Variants in INTS15 observed in about 807,000 individuals in gnomAD.
INTS15 encodes the protein integrator complex subunit 15.
the INTS15 span, among the ~76,000 whole-genome samples, chr7:6,596,334 G>A: frequency 7.4e-5 from 11 of 149,364 alleles, no homozygotes; most frequent in Admixed American, 4.7e-4. Flanking sequence ...GATTACAGGC[G>A]TGAGCCACTG....
chr7:6,607,656 A>G, the INTS15 span: 2 of 1,495,698 alleles, frequency 1.3e-6, no homozygotes, highest in South Asian at 2.4e-5. This position sits in a 1 kb window ranked among gnomAD's most constrained non-coding sequence, Gnocchi z 6.0. Flanking sequence ...TGTGTGTCCC[A>G]GCGCAGCAGA....
chr7:6,590,363 A>T, the INTS15 span: 10 of 1,606,982 alleles, frequency 6.2e-6, no homozygotes, highest in Non-Finnish European at 3.4e-6. Context: ...CTGGACATCT[A>T]CTTCAGCAGC....
At chr7:6,598,758 T>C in the INTS15 span, among the ~76,000 whole-genome samples, 13 of 105,602 alleles carry the variant, frequency 1.2e-4, no homozygotes, top group African/African-American at 6.7e-4. Flanking sequence ...TGTGTGTGTG[T>C]GTGTGTGTGT....
chr7:6,597,000 G>T, the INTS15 span, among the ~76,000 whole-genome samples: 1 of 151,820 alleles, frequency 6.6e-6, no homozygotes, highest in Admixed American at 6.6e-5. Flanking sequence ...GGATGGTCTC[G>T]ATCACCTGAC....
the INTS15 span, chr7:6,590,086 C>T: frequency 5.7e-6 from 2 of 352,676 alleles, no homozygotes; most frequent in Non-Finnish European, 9.7e-6. Flanking sequence ...GCAGTCGGAC[C>T]TTCGGGCGCC....
the INTS15 span, chr7:6,599,900 C>G: frequency 1.2e-6 from 2 of 1,614,206 alleles, no homozygotes; most frequent in South Asian, 1.1e-5. Flanking sequence ...AAGGTTGATT[C>G]TCATCACTTT....
chr7:6,607,768 C>G, the INTS15 span: 2 of 1,484,432 alleles, frequency 1.3e-6, no homozygotes, highest in Non-Finnish European at 1.8e-6. The surrounding 1 kb of genome is among the most constrained non-coding windows in gnomAD (Gnocchi z 6.0). Flanking sequence ...GAGCCCACTC[C>G]CACGCATCCT....
At chr7:6,590,569 C>A in the INTS15 span, 2 of 1,399,860 alleles carry the variant, frequency 1.4e-6, no homozygotes, top group Middle Eastern at 5.2e-4. Flanking sequence ...CGCGGGCGCC[C>A]CATGTCCAGG....
chr7:6,597,036 C>A, the INTS15 span, among the ~76,000 whole-genome samples: 1 of 152,132 alleles, frequency 6.6e-6, no homozygotes, highest in Non-Finnish European at 1.5e-5. Flanking sequence ...CCTCGGCCTC[C>A]CAAAAATGCT....
chr7:6,605,641 C>G, the INTS15 span, among the ~76,000 whole-genome samples: 1 of 152,100 alleles, frequency 6.6e-6, no homozygotes, highest in African/African-American at 2.4e-5. Context: ...CCTCCCGGGG[C>G]AGGCCTGGCA....
chr7:6,593,728 A>C, the INTS15 span, among the ~76,000 whole-genome samples: 2 of 145,998 alleles, frequency 1.4e-5, no homozygotes, highest in South Asian at 4.3e-4. Context: ...GGCTCACTGC[A>C]GACTCAACCT....
the INTS15 span, among the ~76,000 whole-genome samples, chr7:6,595,091 G>T: frequency 6.6e-6 from 1 of 152,112 alleles, no homozygotes; most frequent in Non-Finnish European, 1.5e-5. Context: ...GAGTGCAGAG[G>T]CGTGATCCCA....
At chr7:6,598,076 G>A in the INTS15 span, among the ~76,000 whole-genome samples, 52 of 152,320 alleles carry the variant, frequency 3.4e-4, no homozygotes, top group African/African-American at 1.2e-3. Flanking sequence ...CTACAGGCTG[G>A]TAGAGATGCG....
At chr7:6,591,692 A>G in the INTS15 span, 56 of 1,614,048 alleles carry the variant, frequency 3.5e-5, no homozygotes, top group East Asian at 2.5e-4. Context: ...ATCATGTGCA[A>G]TTATTTCCAG....
At chr7:6,606,815 C>T in the INTS15 span, among the ~76,000 whole-genome samples, 1 of 151,818 alleles carries the variant, frequency 6.6e-6, no homozygotes, top group African/African-American at 2.4e-5. Flanking sequence ...AAGCAATCCT[C>T]CTGCCCCAGC....
the INTS15 span, chr7:6,608,544 A>G: frequency 9.1e-7 from 1 of 1,102,866 alleles, no homozygotes. Flanking sequence ...CCGCCAGAAA[A>G]AGTGGGCTCC....
the INTS15 span, chr7:6,602,072 T>C: frequency 1.2e-6 from 2 of 1,606,400 alleles, no homozygotes; most frequent in Non-Finnish European, 1.7e-6. Context: ...TCCAGTATGT[T>C]CATTAATCTT....
the INTS15 span, among the ~76,000 whole-genome samples, chr7:6,604,361 G>A: frequency 1.3e-5 from 2 of 152,342 alleles, no homozygotes; most frequent in African/African-American, 4.8e-5. Flanking sequence ...ACCTCAGGAG[G>A]ATGGAACATT....
the INTS15 span, chr7:6,608,160 A>G: frequency 1.3e-6 from 2 of 1,551,286 alleles, no homozygotes; most frequent in Non-Finnish European, 1.7e-6. Flanking sequence ...CCCATCCGCT[A>G]GGCTGGCCCG....
Sources: allele counts gnomAD v4.1 joint callset (sites outside exome capture counted in the v4.1 genomes callset), GRCh38; gene constraint gnomAD v4.1.1; non-coding constraint Gnocchi (gnomAD v3.1); transcripts MANE v1.5; gene names NCBI Gene and HGNC (gene_info 2026-07-23, HGNC 2026-07-21).